ZFHX3: variants seen among roughly 807,000 people sequenced by gnomAD.
ZFHX3 encodes zinc finger homeobox 3, also known as zinc finger homeobox protein 3.
In ZFHX3, 42 loss-of-function variants were observed where a neutral mutation model predicts 279.1. The ratio of observed to expected loss-of-function variants is 0.15; its 90% CI spans 0.12 to 0.19. ZFHX3 has a LOEUF of 0.19. ZFHX3 is among the 10% of genes least tolerant of loss of function. ZFHX3 has a pLI of 1.00. For missense variants in ZFHX3, 4,981 were observed against 4,754.0 expected (o/e 1.05, Z -1.40); for synonymous variants, 2,293 against 1,957.8 (o/e 1.17, Z -4.52).
intron 4 of ZFHX3, among the ~76,000 whole-genome samples, chr16:72,849,040 T>C (rs965128142): frequency 1.3e-5 from 2 of 152,128 alleles, no homozygotes; most frequent in Non-Finnish European, 2.9e-5. Flanking sequence ...TTCTTTCGTC[T>C]AGCAAAATTT....
intron 1 of ZFHX3, among the ~76,000 whole-genome samples, chr16:73,804,402 G>T (rs1960218218): frequency 6.6e-6 from 1 of 152,182 alleles, no homozygotes. Flanking sequence ...TGGCCACGCA[G>T]TCCAAAATGG....
chr16:73,525,913 A>T (rs2019684033), intron 2 of ZFHX3, among the ~76,000 whole-genome samples: 1 of 152,246 alleles, frequency 6.6e-6, no homozygotes, highest in South Asian at 2.1e-4. Context: ...GGTGAGAGCC[A>T]GACACACGAT....
intron 4 of ZFHX3, among the ~76,000 whole-genome samples, chr16:72,831,217 G>A (rs1408479316): frequency 6.6e-6 from 1 of 152,146 alleles, no homozygotes; most frequent in Non-Finnish European, 1.5e-5. Flanking sequence ...AAAACACTGA[G>A]GAAGAAGATG....
At chr16:73,497,528 G>C (rs972577166) in intron 2 of ZFHX3, among the ~76,000 whole-genome samples, 1 of 152,126 alleles carries the variant, frequency 6.6e-6, no homozygotes, top group South Asian at 2.1e-4. Flanking sequence ...AAATTAGATG[G>C]GTGTGGAAGC....
intron 1 of ZFHX3, among the ~76,000 whole-genome samples, chr16:72,994,288 C>T (rs986812055): frequency 1.3e-5 from 2 of 152,162 alleles, no homozygotes; most frequent in Non-Finnish European, 2.9e-5. Flanking sequence ...ATTTAAGACT[C>T]AGCATTCACT....
At chr16:73,747,707 T>C (rs762784250) in intron 1 of ZFHX3, among the ~76,000 whole-genome samples, 7 of 152,112 alleles carry the variant, frequency 4.6e-5, no homozygotes, top group Non-Finnish European at 8.8e-5. Context: ...TATATACTTA[T>C]TGTATATATA....
chr16:73,746,848 A>G (rs904464354), intron 1 of ZFHX3, among the ~76,000 whole-genome samples: 11 of 152,346 alleles, frequency 7.2e-5, no homozygotes, highest in Middle Eastern at 3.4e-3. Flanking sequence ...CTTTCCTACT[A>G]TTAAGAGACT....
intron 7 of ZFHX3, among the ~76,000 whole-genome samples, chr16:73,104,825 A>G (rs992295431): frequency 1.3e-5 from 2 of 152,062 alleles, no homozygotes; most frequent in African/African-American, 4.8e-5. Flanking sequence ...CAACCCCACC[A>G]TTCTGTCCCC....
rs1967676129 is a variant in ZFHX3, at chr16:73,176,775, T to C, written c.-1103-32944A>G. Among the ~76,000 whole-genome samples the C allele has an allele frequency of 2.0e-5, 3 of 152,020 alleles. No homozygotes were observed. The South Asian group carries it at 6.2e-4, about 32-fold the overall frequency. The stretch of plus-strand genomic sequence containing the variant: ...CTAAGAGTGGAAAAAAGTCTTCTTC[T>C]TGATGTGCTGGTCCAGCCCTATCCT... On this transcript the variant is annotated intron_variant, in intron 5 of 17. Transcript: ENST00000641206.
chr16:72,959,965 G>C lies in ZFHX3; in HGVS notation c.181C>G (p.Leu61Val). The change falls in exon 2 of 10, where the codon CTC (leucine) becomes GTC (valine). Residue 61 changes from leucine (L) to valine (V), a missense_variant. Physicochemically the swap from Leu to Val is conservative, Grantham distance 32. This residue lies in a region of ZFHX3 where 1,068 missense variants were observed against 935.2 expected (regional missense o/e 1.14). Coordinates refer to ENST00000268489, the MANE Select transcript of ZFHX3 (RefSeq NM_006885.4). Reference sequence around the variant, plus strand: ...CCGGCCGACGCGGTGCTCTCCGCGAGGCGCTCATTGAAGGGGGCCCTCAGG... The same window carrying C: ...CCGGCCGACGCGGTGCTCTCCGCGACGCGCTCATTGAAGGGGGCCCTCAGG... ...DSLRAPFNER[L>V]AESTASAGPP... 1.2e-6 allele frequency: 2 copies of C among 1,610,578 alleles called. No homozygotes were observed. Among genetic ancestry groups the C allele is most frequent in the East Asian group, 4.5e-5 (2 of 44,788 alleles).
At chr16:73,443,115 C>G (rs546015335) in intron 3 of ZFHX3, among the ~76,000 whole-genome samples, 1 of 152,170 alleles carries the variant, frequency 6.6e-6, no homozygotes, top group Non-Finnish European at 1.5e-5. Flanking sequence ...CAACACATGA[C>G]TTTTCAGAGG....
chr16:72,839,769 A>C (rs1336687558), intron 4 of ZFHX3, among the ~76,000 whole-genome samples: 1 of 151,824 alleles, frequency 6.6e-6, no homozygotes, highest in Non-Finnish European at 1.5e-5. Flanking sequence ...GGGGTTCATG[A>C]CAATGTGGGG....
chr16:72,934,493 G>C (rs914202213), intron 3 of ZFHX3, among the ~76,000 whole-genome samples: 1 of 152,148 alleles, frequency 6.6e-6, no homozygotes, highest in African/African-American at 2.4e-5. Flanking sequence ...AATTATTTTA[G>C]TACCATAGCC....
intron 4 of ZFHX3, among the ~76,000 whole-genome samples, chr16:73,283,510 TG>T (rs988931887): frequency 2.6e-5 from 4 of 152,112 alleles, no homozygotes; most frequent in African/African-American, 9.7e-5. Flanking sequence ...GGCCCGCTAC[TG>T]GGGGGACTAT....
At chr16:73,565,780 C>T (rs916222976) in intron 2 of ZFHX3, among the ~76,000 whole-genome samples, 13 of 152,182 alleles carry the variant, frequency 8.5e-5, no homozygotes, top group African/African-American at 3.1e-4. Flanking sequence ...GGGCTTCCAT[C>T]AACATCTGCC....
chr16:72,812,323 G>C (rs1286653094), intron 5 of ZFHX3, among the ~76,000 whole-genome samples: 1 of 151,178 alleles, frequency 6.6e-6, no homozygotes, highest in Non-Finnish European at 1.5e-5. Flanking sequence ...GCTAAATTCA[G>C]TCTGTTCTAA....
At chr16:73,073,728 A>G (rs1046233014) in intron 8 of ZFHX3, among the ~76,000 whole-genome samples, 1 of 151,932 alleles carries the variant, frequency 6.6e-6, no homozygotes, top group Non-Finnish European at 1.5e-5. Context: ...CAAACTCCCA[A>G]CCTCAACTGA....
At chr16:73,317,822 A>G (rs1182914406) in intron 4 of ZFHX3, among the ~76,000 whole-genome samples, 1 of 152,190 alleles carries the variant, frequency 6.6e-6, no homozygotes, top group African/African-American at 2.4e-5. Flanking sequence ...ACGCATGGAG[A>G]TGAAGGGATG....
At chr16:73,762,548 T>C (rs575664000) in intron 1 of ZFHX3, among the ~76,000 whole-genome samples, 1 of 152,240 alleles carries the variant, frequency 6.6e-6, no homozygotes, top group East Asian at 1.9e-4. Flanking sequence ...TGCGCACTAC[T>C]CACAATAGCA....
Sources: allele counts gnomAD v4.1 joint callset (sites outside exome capture counted in the v4.1 genomes callset), GRCh38; gene constraint gnomAD v4.1.1; regional missense constraint gnomAD v4.1.1; transcripts MANE v1.5; gene names NCBI Gene and HGNC (gene_info 2026-07-23, HGNC 2026-07-21).